Variants in NUTM2G observed in about 807,000 individuals in gnomAD.
NUTM2G encodes NUT family member 2G, also known as family with sequence similarity 22, member G.
Under a neutral mutation model 44.3 loss-of-function variants are expected in NUTM2G, and 29 were observed. The ratio of observed to expected loss-of-function variants is 0.66; its 90% CI spans 0.49 to 0.89. NUTM2G has a LOEUF of 0.89. Ranked by LOEUF, NUTM2G falls within the 40% of genes least tolerant of loss-of-function variation. NUTM2G has a pLI of 0.00. For synonymous variants in NUTM2G, 205 were observed against 395.9 expected, an observed-to-expected ratio of 0.52 and a Z score of 5.72; for missense variants, 502 against 946.5, an observed-to-expected ratio of 0.53 and a Z score of 6.16.
intron 1 of NUTM2G, among the ~76,000 whole-genome samples, chr9:96,930,410 G>C (rs1826201954): frequency 6.6e-6 from 1 of 151,770 alleles, no homozygotes; most frequent in South Asian, 2.1e-4. Context: ...TGTAATCCCA[G>C]CTACTCAGGA....
rs745678263 is a variant in NUTM2G at position 96,938,981 on chromosome 9, C to T, written c.2058C>T (p.Leu686=). The T allele has an allele frequency of 6.6e-7, 1 of 1,511,200 alleles. No individual in the cohort carries two copies. The highest frequency in any genetic ancestry group is 1.9e-4 in the Middle Eastern group (1 of 5,346). The allele number at this position is 1,511,200 out of a possible 1,614,324, so 93.6% of individuals were successfully genotyped here. A position where few individuals can be genotyped will look rare whatever the true frequency, so the allele number is the denominator to read the frequency against. Residue 686 remains leucine (L), a synonymous_variant, in exon 7 of 7, where the codon CTC becomes CTT. Coordinates refer to ENST00000372322, the MANE Select transcript of NUTM2G (RefSeq NM_001170741.3). ...SPASKSKKRP[L]FGSPSPAEKT... The stretch of plus-strand genomic sequence containing the variant: ...CCAGCAAGTCCAAGAAGCGACCTCT[C>T]TTTGGAAGCCCATCCCCTGCTGAAA...
At chr9:96,936,266 G>A (rs1185728231) in intron 3 of NUTM2G, among the ~76,000 whole-genome samples, 159 bp from the exon 4 acceptor site, 4 of 151,950 alleles carry the variant, frequency 2.6e-5, no homozygotes, top group South Asian at 2.1e-4. Flanking sequence ...CCAGAACTCT[G>A]GGAGCAGCTC....
intron 5 of NUTM2G, among the ~76,000 whole-genome samples, 182 bp downstream of exon 5, chr9:96,937,586 T>G (rs1337773167): frequency 1.3e-5 from 2 of 152,150 alleles, no homozygotes; most frequent in Non-Finnish European, 2.9e-5. Flanking sequence ...GATTTGTTAC[T>G]GTGTCTTTGT....
rs374258859 is a variant in NUTM2G, at chr9:96,931,388, G to A, written c.17-334G>A. Among the ~76,000 whole-genome samples the A allele has an allele frequency of 5.4e-5, 8 of 148,792 alleles. No homozygotes were observed. The East Asian group carries it at 1.2e-3, about 22-fold the overall frequency. On this transcript the variant is annotated intron_variant, in intron 1 of 6. Transcript: ENST00000372322. ...GCACACTGAGAGCCACCAAGCCACCGAGAGACTCATCCCTGACCCACGGCT... is the reference window on the plus strand; with the variant it reads ...GCACACTGAGAGCCACCAAGCCACCAAGAGACTCATCCCTGACCCACGGCT...
At chr9:96,932,771 G>A (rs1027667377) in intron 2 of NUTM2G, among the ~76,000 whole-genome samples, 5 of 151,670 alleles carry the variant, frequency 3.3e-5, no homozygotes, top group Non-Finnish European at 5.9e-5. Context: ...TGCTGCCTCA[G>A]CTTCCTGAGT....
chr9:96,936,373 G>A, intron 3 of NUTM2G, 52 bp from the exon 4 acceptor site: 1 of 1,545,776 alleles, frequency 6.5e-7, no homozygotes, highest in Non-Finnish European at 8.7e-7. Flanking sequence ...CTGGTCCTGG[G>A]GGGAGGGGGC....
At chr9:96,936,920 G>A (rs1163559231) in intron 4 of NUTM2G, 144 bp from the exon 5 acceptor site, 43 of 1,347,982 alleles carry the variant, frequency 3.2e-5, no homozygotes, top group Non-Finnish European at 4.0e-5. Context: ...CCCCTCCTGC[G>A]GCGTCTCCTC....
chr9:96,931,103 G>A (rs1449691533), intron 1 of NUTM2G, among the ~76,000 whole-genome samples: 1 of 151,862 alleles, frequency 6.6e-6, no homozygotes, highest in Non-Finnish European at 1.5e-5. Flanking sequence ...GGCCAGACTG[G>A]TCTTCAACTC....
chr9:96,936,623 C>A, intron 4 of NUTM2G, 59 bp downstream of exon 4: 2 of 1,526,652 alleles, frequency 1.3e-6, no homozygotes, highest in African/African-American at 1.4e-5. Flanking sequence ...CCAAGGGAGG[C>A]CACTGTCCCC....
In NUTM2G at chr9:96,937,388, A is replaced by G; in HGVS notation, c.1307A>G (p.Glu436Gly). 6.2e-7 allele frequency: 1 copy of G among 1,613,610 alleles called. No homozygotes were observed. Among genetic ancestry groups the G allele is most frequent in the South Asian group, 1.1e-5 (1 of 91,052 alleles). Residue 436 changes from glutamate (E) to glycine (G), a missense_variant, in exon 5 of 7, where the codon GAA becomes GGA. By Grantham distance (98) the Glu-to-Gly change is moderately conservative (BLOSUM62 -2). Coordinates refer to ENST00000372322, the MANE Select transcript of NUTM2G (RefSeq NM_001170741.3). ...TACATTGACAAGCTGTGTTCCCAGG[A>G]AGACTTTGTCACCAAGGTGGGCTTG... ...LSYIDKLCSQ[E>G]DFVTKVEAVI...
rs202193995 is a variant in NUTM2G at position 96,937,332 on chromosome 9, C to T, written c.1251C>T (p.Asp417=). The stretch of plus-strand genomic sequence containing the variant: ...AAGTGGAGCAGCCGCAGGAAGAGGA[C>T]GGGATGACCTCAGACCCGGGCCTCC... ...KGKVEQPQEE[D]GMTSDPGLLS... is the part of the protein sequence containing the mutation. Residue 417 remains aspartate (D), a synonymous_variant, in exon 5 of 7, where the codon GAC becomes GAT. Transcript: ENST00000372322. 2,684 of 1,613,910 alleles carry T rather than the reference C, an allele frequency of 1.7e-3. 4 individuals carry two copies. Among genetic ancestry groups the T allele is most frequent in the Non-Finnish European group, 2.1e-3 (2,447 of 1,179,876 alleles).
chr9:96,931,710 T>C lies in NUTM2G; in HGVS notation c.17-12T>C, dbSNP rs752589245. 24 of 1,611,226 alleles carry C rather than the reference T, an allele frequency of 1.5e-5. 1 individual carries two copies. In the African/African-American group the frequency reaches 2.4e-4, roughly 16 times the overall value. ...ACGCCAGCTCATTCACCTCTTTCCT[T>C]TGTCTCCACAGCATACCCAGTGCTG... On this transcript the variant is annotated splice_polypyrimidine_tract_variant and intron_variant, in intron 1 of 6. Transcript: ENST00000372322.
In NUTM2G at chr9:96,935,504, G is replaced by C. The variant is rs570259470; in HGVS notation, c.842+48G>C. 4.3e-6 allele frequency: 7 copies of C among 1,611,794 alleles called. No individual in the cohort carries two copies. The South Asian group carries it at 6.6e-5, about 15-fold the overall frequency. On this transcript the variant is annotated intron_variant, in intron 3 of 6. Coordinates refer to ENST00000372322, the MANE Select transcript of NUTM2G (RefSeq NM_001170741.3). ...AGGGCCCGTGTGGCGGGGTGAGAGT[G>C]AATGACAGAGGCCCGGTGGCCGTGG...
In NUTM2G at chr9:96,935,342, C is replaced by T. The variant is rs1826392741; in HGVS notation, c.728C>T (p.Ser243Phe). 6.2e-7 allele frequency: 1 copy of T among 1,612,006 alleles called. No individual in the cohort carries two copies. Among genetic ancestry groups the T allele is most frequent in the East Asian group, 2.2e-5 (1 of 44,860 alleles). ...LSCFLIPVLR[S>F]LARRKPTMTL... ...CTGGTTTACAGCCCAGTTCTCCGAT[C>T]CCTGGCCCGGCGGAAGCCCACCATG... The change falls in exon 3 of 7, where the codon TCC (serine) becomes TTC (phenylalanine). Residue 243 changes from serine to phenylalanine, a missense_variant. By Grantham distance (155) the Ser-to-Phe change is radical. Coordinates refer to ENST00000372322, the MANE Select transcript of NUTM2G (RefSeq NM_001170741.3).
At chr9:96,932,571 A>C (rs117328083) in intron 2 of NUTM2G, among the ~76,000 whole-genome samples, 153 bp downstream of exon 2, 2,039 of 152,036 alleles carry the variant, frequency 0.013, 26 homozygotes, top group Non-Finnish European at 0.021. Flanking sequence ...AGCAACATTA[A>C]TCTGGCTGTG....
At chr9:96,936,993 G>T in intron 4 of NUTM2G, 71 bp from the exon 5 acceptor site, 1 of 1,383,038 alleles carries the variant, frequency 7.2e-7, no homozygotes, top group Non-Finnish European at 9.8e-7. Context: ...CCCAAGCCCT[G>T]CCCTCCCCTG....
intron 1 of NUTM2G, among the ~76,000 whole-genome samples, chr9:96,930,216 A>G (rs1011479570): frequency 7.4e-4 from 113 of 151,792 alleles, no homozygotes; most frequent in Middle Eastern, 3.4e-3. Flanking sequence ...ATTTAGTGTA[A>G]CATGACTAGC....
In NUTM2G at chr9:96,934,687, G is replaced by A. The variant is rs370789768; in HGVS notation, c.714-641G>A. On this transcript the variant is annotated intron_variant, in intron 2 of 6. Transcript: ENST00000372322. ...GCTCAGTCCTGTGGCCCAGGAACCT[G>A]CACTTTAACCCTCGCTCCCAGGTCA... Among the ~76,000 whole-genome samples the A allele has an allele frequency of 2.1e-4, 32 of 151,184 alleles. No homozygotes were observed. In the East Asian group the frequency reaches 3.1e-3, roughly 15 times the overall value.
Position 96,938,498 on chromosome 9 carries a change from C to G in NUTM2G, c.1575C>G (p.Asp525Glu). 1 of 1,607,674 alleles carries G rather than the reference C, an allele frequency of 6.2e-7. No homozygotes were observed. Among genetic ancestry groups the G allele is most frequent in the Non-Finnish European group, 8.5e-7 (1 of 1,176,608 alleles). The change falls in exon 7 of 7, where the codon GAC becomes GAG. Residue 525 changes from aspartate (D) to glutamate (E), a missense_variant. By Grantham distance (45) the Asp-to-Glu change is conservative. Coordinates refer to ENST00000372322, the MANE Select transcript of NUTM2G (RefSeq NM_001170741.3). Reference protein sequence around the residue: ...AGQEAAREVPDPQQRVSVETS... With the variant: ...AGQEAAREVPEPQQRVSVETS... ...AAGAAGCAGCGAGAGAGGTCCCTGA[C>G]CCCCAACAAAGGGTCAGCGTGGAAA...
Sources: allele counts gnomAD v4.1 joint callset (sites outside exome capture counted in the v4.1 genomes callset), GRCh38; gene constraint gnomAD v4.1.1; transcripts MANE v1.5; gene names NCBI Gene and HGNC (gene_info 2026-07-23, HGNC 2026-07-21).